ZFHX3: variants seen among roughly 807,000 people sequenced by gnomAD.
ZFHX3 encodes zinc finger homeobox protein 3.
In ZFHX3, 42 loss-of-function variants were observed where a neutral mutation model predicts 279.1. The ratio of observed to expected loss-of-function variants is 0.15; its 90% CI spans 0.12 to 0.19. ZFHX3 has a LOEUF of 0.19. Among genes scored for constraint, ZFHX3 ranks in the 10% least tolerant of loss-of-function variants. The pLI is 1.00. For missense variants in ZFHX3, 4,981 were observed against 4,754.0 expected (o/e 1.05, Z -1.40); for synonymous variants, 2,293 against 1,957.8 (o/e 1.17, Z -4.52).
At chr16:73,638,868 T>C (rs2052550199) in intron 2 of ZFHX3, among the ~76,000 whole-genome samples, 2 of 152,172 alleles carry the variant, frequency 1.3e-5, no homozygotes, top group African/African-American at 4.8e-5. Context: ...AAAACACTAG[T>C]CTAAAAATGA....
At chr16:73,332,420 G>A (rs1020420331) in intron 3 of ZFHX3, among the ~76,000 whole-genome samples, 1 of 152,122 alleles carries the variant, frequency 6.6e-6, no homozygotes, top group Non-Finnish European at 1.5e-5. Flanking sequence ...GCCCAACTTG[G>A]CCATGTCCAC....
chr16:73,431,912 C>T (rs1002173286), intron 3 of ZFHX3, among the ~76,000 whole-genome samples: 1 of 152,088 alleles, frequency 6.6e-6, no homozygotes, highest in Non-Finnish European at 1.5e-5. Context: ...CCTTGGGACT[C>T]TAGTTTCATC....
chr16:73,267,311 G>A (rs780485253), intron 4 of ZFHX3, among the ~76,000 whole-genome samples: 1 of 152,116 alleles, frequency 6.6e-6, no homozygotes, highest in Non-Finnish European at 1.5e-5. Flanking sequence ...AGGGTCTTGG[G>A]GGTCATCTTG....
At chr16:72,861,619 G>A (rs528683327) in intron 4 of ZFHX3, among the ~76,000 whole-genome samples, 1 of 152,176 alleles carries the variant, frequency 6.6e-6, no homozygotes, top group Non-Finnish European at 1.5e-5. Context: ...ATACATCAGA[G>A]AAAAATTCTA....
At chr16:73,700,040 T>A (rs772128362) in intron 1 of ZFHX3, among the ~76,000 whole-genome samples, 1 of 152,044 alleles carries the variant, frequency 6.6e-6, no homozygotes, top group Non-Finnish European at 1.5e-5. Context: ...CTGGGTGACA[T>A]AGTGAGACCC....
chr16:73,750,382 C>CTTA (rs1173914601), intron 1 of ZFHX3, among the ~76,000 whole-genome samples: 1 of 152,134 alleles, frequency 6.6e-6, no homozygotes, highest in African/African-American at 2.4e-5. Flanking sequence ...AGGGGAAGAT[C>CTTA]TTATTACTAT....
chr16:72,800,502 G>A (rs2036064103), intron 7 of ZFHX3, among the ~76,000 whole-genome samples: 2 of 152,118 alleles, frequency 1.3e-5, no homozygotes, highest in Non-Finnish European at 2.9e-5. Flanking sequence ...AACATAATAA[G>A]GGCCCTAATT....
At chr16:73,313,596 G>A (rs2015377491) in intron 4 of ZFHX3, among the ~76,000 whole-genome samples, 1 of 152,112 alleles carries the variant, frequency 6.6e-6, no homozygotes, top group African/African-American at 2.4e-5. Flanking sequence ...ATACACCTGG[G>A]TTTTAAAACC....
intron 5 of ZFHX3, among the ~76,000 whole-genome samples, chr16:73,254,973 C>A (rs557386852): frequency 6.7e-6 from 1 of 149,450 alleles, no homozygotes; most frequent in African/African-American, 2.6e-5. Context: ...GTTTGCTAAG[C>A]CTTTCCCTAG....
At chr16:73,830,241 C>A (rs1271691938) in intron 1 of ZFHX3, among the ~76,000 whole-genome samples, 1 of 139,182 alleles carries the variant, frequency 7.2e-6, no homozygotes, top group African/African-American at 2.8e-5. Flanking sequence ...CCAGGTGAGG[C>A]AATGCCTCGC....
chr16:73,840,415 T>C (rs1306767380), intron 1 of ZFHX3, among the ~76,000 whole-genome samples: 1 of 152,192 alleles, frequency 6.6e-6, no homozygotes, highest in Non-Finnish European at 1.5e-5. Flanking sequence ...CTACTTTACC[T>C]TTAAAGATGG....
At chr16:73,437,052 C>A (rs554877390) in intron 3 of ZFHX3, among the ~76,000 whole-genome samples, 2 of 152,130 alleles carry the variant, frequency 1.3e-5, no homozygotes, top group South Asian at 2.1e-4. Context: ...TGCCTGACAC[C>A]GCAATCTGGA....
chr16:73,736,472 C>T (rs1206311277), intron 1 of ZFHX3, among the ~76,000 whole-genome samples: 1 of 152,210 alleles, frequency 6.6e-6, no homozygotes, highest in East Asian at 1.9e-4. Flanking sequence ...TTATAAGCCA[C>T]CTGCCACATA....
At chr16:73,449,798 A>G (rs2018251843) in intron 3 of ZFHX3, among the ~76,000 whole-genome samples, 2 of 152,162 alleles carry the variant, frequency 1.3e-5, no homozygotes, top group Admixed American at 6.6e-5. Flanking sequence ...ATACTGAAGC[A>G]TGAAGTTAAA....
intron 1 of ZFHX3, among the ~76,000 whole-genome samples, chr16:73,759,645 T>G (rs2053843248): frequency 6.6e-6 from 1 of 152,154 alleles, no homozygotes; most frequent in African/African-American, 2.4e-5. Flanking sequence ...CTCATTCAAG[T>G]CTTCTAAATT....
In ZFHX3 at chr16:72,793,691, G is replaced by T. The variant is rs2143384778; in HGVS notation, c.8991C>A (p.Ala2997=). The T allele has an allele frequency of 6.2e-7, 1 of 1,614,102 alleles. No individual in the cohort carries two copies. Among genetic ancestry groups the T allele is most frequent in the Non-Finnish European group, 8.5e-7 (1 of 1,180,034 alleles). The change falls in exon 9 of 10, where the codon GCC becomes GCA. Residue 2997 remains alanine, a synonymous_variant. Coordinates refer to ENST00000268489, the MANE Select transcript of ZFHX3 (RefSeq NM_006885.4). The surrounding 1 kb of genome is among the most constrained non-coding windows in gnomAD (Gnocchi z 4.3). ...KRVVQVWFQN[A]RAKEKKSKLS... Reference sequence around the variant, plus strand: ...ACTTGGACTTCTTTTCTTTTGCCCGGGCATTCTGGAACCAGACCTGAACGA... The same window carrying T: ...ACTTGGACTTCTTTTCTTTTGCCCGTGCATTCTGGAACCAGACCTGAACGA...
chr16:73,193,148 C>T (rs1286997392), intron 5 of ZFHX3, among the ~76,000 whole-genome samples: 2 of 152,106 alleles, frequency 1.3e-5, no homozygotes, highest in Admixed American at 6.6e-5. Flanking sequence ...TTCTTCAGTG[C>T]CAAGTGATAT....
At chr16:73,370,898 G>A (rs2016616969) in intron 3 of ZFHX3, among the ~76,000 whole-genome samples, 1 of 152,182 alleles carries the variant, frequency 6.6e-6, no homozygotes, top group Non-Finnish European at 1.5e-5. Context: ...TGGACAATCT[G>A]TGATGGATGT....
chr16:73,160,468 A>G (rs1237932478), intron 5 of ZFHX3, among the ~76,000 whole-genome samples: 1 of 152,138 alleles, frequency 6.6e-6, no homozygotes, highest in East Asian at 1.9e-4. Flanking sequence ...TAAGGATGAG[A>G]ACTCCACACC....
Sources: allele counts gnomAD v4.1 joint callset (sites outside exome capture counted in the v4.1 genomes callset), GRCh38; gene constraint gnomAD v4.1.1; non-coding constraint Gnocchi (gnomAD v3.1); transcripts MANE v1.5; gene names NCBI Gene and HGNC (gene_info 2026-07-23, HGNC 2026-07-21).